The following MAP2K6 variants were observed in gnomAD, a reference collection of about 807,000 sequenced individuals.
MAP2K6 encodes dual specificity mitogen-activated protein kinase kinase 6.
MAP2K6 carries 16 observed loss-of-function variants against 53.7 expected under a neutral mutation model. That is an observed-to-expected ratio of 0.30 (90% CI 0.20 to 0.45). The LOEUF (loss-of-function observed/expected upper bound fraction) is 0.45, where lower values mean the gene tolerates loss of function less well. MAP2K6 is among the 20% of genes least tolerant of loss of function. MAP2K6 has a pLI of 1.00. For synonymous variants in MAP2K6, 132 were observed against 143.1 expected (o/e 0.92, Z 0.55); for missense variants, 204 against 411.9 (o/e 0.50, Z 4.37).
intron 2 of MAP2K6, among the ~76,000 whole-genome samples, chr17:69,512,368 C>T (rs1315816357): frequency 7.9e-5 from 8 of 100,920 alleles, no homozygotes; most frequent in African/African-American, 2.8e-4. Context: ...GAGACAGAGT[C>T]TCACTGTGTT....
rs1355156112 is a variant in MAP2K6 at position 69,547,135 on chromosome 17, G to A, written c.*5382G>A. The A allele has an allele frequency of 6.6e-6, 1 of 151,878 alleles. No homozygotes were observed. Among genetic ancestry groups the A allele is most frequent in the Non-Finnish European group, 1.5e-5 (1 of 67,972 alleles). 9.4% of individuals were successfully genotyped at this position (151,878 alleles called of 1,614,324 possible). On this transcript the variant is annotated 3_prime_UTR_variant, in exon 12 of 12. Transcript: ENST00000590474. ...CTTTTGGGAATTTGTTGAAAGCTAGGACCTTTTCCCCAGGAAAATTTACAT... is the reference window on the plus strand; with the variant it reads ...CTTTTGGGAATTTGTTGAAAGCTAGAACCTTTTCCCCAGGAAAATTTACAT...
chr17:69,474,169 G>T (rs1270371836), intron 1 of MAP2K6, among the ~76,000 whole-genome samples: 2 of 152,142 alleles, frequency 1.3e-5, no homozygotes, highest in Admixed American at 6.5e-5. Context: ...TGGTATTTAT[G>T]GTATGCTATT....
intron 1 of MAP2K6, among the ~76,000 whole-genome samples, chr17:69,499,302 A>G (rs995999953): frequency 1.3e-5 from 2 of 152,244 alleles, no homozygotes; most frequent in Non-Finnish European, 2.9e-5. Context: ...TGTAAGCGTA[A>G]ACATGGAAGG....
At chr17:69,502,886 G>T (rs1909243098) in intron 1 of MAP2K6, among the ~76,000 whole-genome samples, 2 of 152,260 alleles carry the variant, frequency 1.3e-5, no homozygotes, top group East Asian at 3.9e-4. Flanking sequence ...AAGTTATGGT[G>T]TAATAATTAA....
intron 3 of MAP2K6, 66 bp from the exon 4 acceptor site, chr17:69,517,434 A>T (rs1159858105): frequency 2.4e-6 from 2 of 816,898 alleles, no homozygotes; most frequent in Admixed American, 5.6e-5. Flanking sequence ...GAGATAGAGG[A>T]TAATGTGCTC....
At chr17:69,429,645 C>A (rs189745246) in intron 1 of MAP2K6, among the ~76,000 whole-genome samples, 6 of 152,208 alleles carry the variant, frequency 3.9e-5, no homozygotes, top group African/African-American at 1.4e-4. Flanking sequence ...ATCTGGGTAC[C>A]TTTAGTATAA....
chr17:69,444,295 G>T (rs1341248676), intron 1 of MAP2K6, among the ~76,000 whole-genome samples: 2 of 152,162 alleles, frequency 1.3e-5, no homozygotes, highest in Non-Finnish European at 2.9e-5. Context: ...GAGGTTTTAG[G>T]ATAGAGCAGG....
In MAP2K6 at chr17:69,550,224, A is replaced by T. The variant is rs551947329; in HGVS notation, c.*8471A>T. 1.3e-5 allele frequency: 2 copies of T among 152,232 alleles called. No individual in the cohort carries two copies. The highest frequency in any genetic ancestry group is 2.9e-5 in the Non-Finnish European group (2 of 68,044). 9.4% of individuals were successfully genotyped at this position (152,232 alleles called of 1,614,324 possible). A position where few individuals can be genotyped will look rare whatever the true frequency, so the allele number is the denominator to read the frequency against. ...GATGGCTGAACAAAAGTAAATGATT[A>T]ACGGGAAATTTGATGGTTGAGAAAA... On this transcript the variant is annotated 3_prime_UTR_variant, in exon 12 of 12. Coordinates refer to ENST00000590474, the MANE Select transcript of MAP2K6 (RefSeq NM_002758.4).
At chr17:69,514,464 TAAGTA>T (rs1910032778) in intron 2 of MAP2K6, among the ~76,000 whole-genome samples, 1 of 152,216 alleles carries the variant, frequency 6.6e-6, no homozygotes, top group African/African-American at 2.4e-5. Flanking sequence ...TAAGAAACTT[TAAGTA>T]TTCTATGTAT....
chr17:69,488,223 A>G (rs1440396664), intron 1 of MAP2K6, among the ~76,000 whole-genome samples: 2 of 152,216 alleles, frequency 1.3e-5, no homozygotes, highest in African/African-American at 4.8e-5. Context: ...ATGCAAATCA[A>G]TACCACAATG....
At position 69,502,788 on chromosome 17, in the gene MAP2K6, A is replaced by G. The variant is rs377497294; in HGVS notation, c.17-2992A>G. ...CTCCTCCCACTTGGAAGACTTTACTATTATTTTGGTCTTTTATTCCTTTGG... is the reference window on the plus strand; with the variant it reads ...CTCCTCCCACTTGGAAGACTTTACTGTTATTTTGGTCTTTTATTCCTTTGG... On this transcript the variant is annotated intron_variant, in intron 1 of 11. Coordinates refer to ENST00000590474, the MANE Select transcript of MAP2K6 (RefSeq NM_002758.4). 141 of 822,160 alleles carry G rather than the reference A, an allele frequency of 1.7e-4. No individual in the cohort carries two copies. In the African/African-American group the frequency reaches 2.3e-3, roughly 13 times the overall value. The allele number at this position is 822,160 out of a possible 1,614,324, so 50.9% of individuals were successfully genotyped here.
intron 6 of MAP2K6, chr17:69,520,841 A>G: frequency 2.1e-6 from 1 of 480,516 alleles, no homozygotes; most frequent in South Asian, 3.8e-5. Flanking sequence ...TGAGGGAGAC[A>G]TCCTCTCTGA....
chr17:69,497,669 C>T (rs1461121107), intron 1 of MAP2K6, among the ~76,000 whole-genome samples: 1 of 152,190 alleles, frequency 6.6e-6, no homozygotes, highest in Non-Finnish European at 1.5e-5. Context: ...AGGTTTCTCT[C>T]TCCACCACTT....
At chr17:69,467,185 G>T (rs940357226) in intron 1 of MAP2K6, among the ~76,000 whole-genome samples, 1 of 152,180 alleles carries the variant, frequency 6.6e-6, no homozygotes, top group Non-Finnish European at 1.5e-5. Flanking sequence ...CAGTAATAAA[G>T]GGGTCTCTAT....
intron 1 of MAP2K6, among the ~76,000 whole-genome samples, chr17:69,441,580 G>A (rs1906820823): frequency 6.6e-6 from 1 of 152,138 alleles, no homozygotes; most frequent in Non-Finnish European, 1.5e-5. Context: ...TTCTTGTCAG[G>A]AAATTCTCAC....
chr17:69,441,424 T>C (rs919605736), intron 1 of MAP2K6, among the ~76,000 whole-genome samples: 2 of 152,200 alleles, frequency 1.3e-5, no homozygotes, highest in African/African-American at 2.4e-5. Context: ...AGACCATCCA[T>C]TGAGTTTTTG....
chr17:69,541,545 G>A, intron 11 of MAP2K6, 131 bp from the exon 12 acceptor site: 3 of 556,136 alleles, frequency 5.4e-6, no homozygotes, highest in South Asian at 2.2e-5. Flanking sequence ...TTTGGAAAGG[G>A]TAGGAAAAGC....
intron 1 of MAP2K6, among the ~76,000 whole-genome samples, chr17:69,484,472 T>C (rs1322030053): frequency 2.0e-5 from 3 of 152,056 alleles, no homozygotes; most frequent in Non-Finnish European, 2.9e-5. Context: ...TTTACATTGC[T>C]GATGGGAACG....
intron 1 of MAP2K6, among the ~76,000 whole-genome samples, chr17:69,488,476 T>C (rs963409701): frequency 6.6e-6 from 1 of 152,204 alleles, no homozygotes; most frequent in African/African-American, 2.4e-5. Flanking sequence ...CCCACATATG[T>C]TCCTTGCAGC....
Sources: gnomAD v4.1 joint callset for allele counts (sites outside exome capture counted in the v4.1 genomes callset) on GRCh38, gnomAD v4.1.1 for gene constraint, MANE v1.5 for transcripts, NCBI Gene and HGNC (gene_info 2026-07-23, HGNC 2026-07-21) for gene names.